ZNF423: variants seen among roughly 807,000 people sequenced by gnomAD.
ZNF423 encodes the protein zinc finger protein 423.
ZNF423 carries 12 observed loss-of-function variants against 95.8 expected under a neutral mutation model. That is an observed-to-expected ratio of 0.13 (90% CI 0.08 to 0.20). ZNF423 has a LOEUF of 0.20. Among genes scored for constraint, ZNF423 ranks in the 10% least tolerant of loss-of-function variants. The pLI is 1.00. For synonymous variants in ZNF423, 749 were observed against 711.9 expected, an observed-to-expected ratio of 1.05 and a Z score of -0.83; for missense variants, 1,316 against 1,737.1, an observed-to-expected ratio of 0.76 and a Z score of 4.31.
At chr16:49,590,794 C>T (rs1365719613) in intron 5 of ZNF423, among the ~76,000 whole-genome samples, 1 of 152,238 alleles carries the variant, frequency 6.6e-6, no homozygotes, top group East Asian at 1.9e-4. Context: ...TGAAGCGATG[C>T]CAGCATCCTC....
chr16:49,857,309 C>T (rs1023214072), upstream of ZNF423, among the ~76,000 whole-genome samples: 18 of 146,392 alleles, frequency 1.2e-4, 1 homozygote, highest in African/African-American at 4.1e-4. The surrounding 1 kb of genome is among the most constrained non-coding windows in gnomAD (Gnocchi z 6.2). Context: ...ACCGTGGTGG[C>T]GGCGGCGGCG....
intron 7 of ZNF423, among the ~76,000 whole-genome samples, chr16:49,495,239 G>A (rs181154427): frequency 6.6e-6 from 1 of 152,324 alleles, no homozygotes; most frequent in African/African-American, 2.4e-5. Flanking sequence ...AGCAGAGCTC[G>A]TGTGCTCTCC....
At chr16:49,827,833 A>G (rs1274506553) in intron 1 of ZNF423, among the ~76,000 whole-genome samples, 8 of 151,782 alleles carry the variant, frequency 5.3e-5, no homozygotes, top group Non-Finnish European at 1.0e-4. Context: ...GAGCTATTCC[A>G]TTCTTTTTCT....
chr16:49,576,452 T>C (rs112219662), intron 5 of ZNF423, among the ~76,000 whole-genome samples: 103 of 152,310 alleles, frequency 6.8e-4, no homozygotes, highest in African/African-American at 2.3e-3. Flanking sequence ...TTAGCCCCAA[T>C]GCAACTACAT....
intron 1 of ZNF423, among the ~76,000 whole-genome samples, chr16:49,824,475 G>A (rs1215730674): frequency 1.3e-5 from 2 of 152,132 alleles, no homozygotes; most frequent in African/African-American, 2.4e-5. Flanking sequence ...GGTGGGGGAG[G>A]TGTGCTGTTG....
chr16:49,671,617 G>A (rs1367605388), intron 3 of ZNF423, among the ~76,000 whole-genome samples: 1 of 152,220 alleles, frequency 6.6e-6, no homozygotes, highest in Non-Finnish European at 1.5e-5. Context: ...GTCAGGTGAT[G>A]GCTCCACCTA....
intron 5 of ZNF423, among the ~76,000 whole-genome samples, chr16:49,574,094 A>G (rs923673365): frequency 6.6e-6 from 1 of 152,220 alleles, no homozygotes; most frequent in Non-Finnish European, 1.5e-5. Flanking sequence ...TTTAAAACAA[A>G]GATTACAGGC....
At chr16:49,713,075 T>C (rs1157274107) in intron 3 of ZNF423, among the ~76,000 whole-genome samples, 1 of 152,240 alleles carries the variant, frequency 6.6e-6, no homozygotes, top group African/African-American at 2.4e-5. Context: ...GCCTCCAGTC[T>C]GACAAATCTG....
At chr16:49,499,404 G>A (rs1016944646) in intron 7 of ZNF423, among the ~76,000 whole-genome samples, 1 of 152,256 alleles carries the variant, frequency 6.6e-6, no homozygotes. Context: ...TCCCGGCCTA[G>A]AGGGAGATTC....
chr16:49,820,981 C>A (rs1197154905), intron 1 of ZNF423, among the ~76,000 whole-genome samples: 1 of 152,186 alleles, frequency 6.6e-6, no homozygotes, highest in African/African-American at 2.4e-5. Flanking sequence ...ATGCCACAGT[C>A]TCTAACTGCT....
At chr16:49,618,148 C>A (rs1971937884) in intron 5 of ZNF423, among the ~76,000 whole-genome samples, 1 of 152,252 alleles carries the variant, frequency 6.6e-6, no homozygotes. Context: ...CCGAGTCACA[C>A]TGGCTGAGTT....
At chr16:49,616,991 T>G (rs1350134146) in intron 5 of ZNF423, among the ~76,000 whole-genome samples, 1 of 152,190 alleles carries the variant, frequency 6.6e-6, no homozygotes, top group East Asian at 1.9e-4. Flanking sequence ...CTCCAAACAG[T>G]GCCAACCAGT....
chr16:49,591,182 G>T (rs191022845), intron 5 of ZNF423, among the ~76,000 whole-genome samples: 87 of 152,208 alleles, frequency 5.7e-4, no homozygotes, highest in African/African-American at 2.0e-3. Flanking sequence ...AAACACAAGT[G>T]TGCAAAAATA....
intron 2 of ZNF423, among the ~76,000 whole-genome samples, chr16:49,753,018 T>C (rs1596968744): frequency 6.6e-6 from 1 of 151,962 alleles, no homozygotes; most frequent in African/African-American, 2.4e-5. Context: ...CTGAGGCAGG[T>C]GGATCACTTG....
chr16:49,789,151 C>G (rs2034367691), intron 2 of ZNF423, among the ~76,000 whole-genome samples: 1 of 152,004 alleles, frequency 6.6e-6, no homozygotes, highest in Non-Finnish European at 1.5e-5. Context: ...ATTAAAGTGG[C>G]TTTTATGCAA....
chr16:49,580,373 A>G (rs1471951069), intron 5 of ZNF423, among the ~76,000 whole-genome samples: 1 of 152,124 alleles, frequency 6.6e-6, no homozygotes, highest in Non-Finnish European at 1.5e-5. Context: ...GTAATTATGT[A>G]TTTACTTGTT....
Position 49,855,506 on chromosome 16 carries a change from C to A in ZNF423, c.40+229G>T, listed in dbSNP as rs754658161. 8.4e-6 allele frequency among the ~76,000 whole-genome samples: 1 copy of A among 119,342 alleles called. No homozygotes were observed. Among genetic ancestry groups the A allele is most frequent in the Admixed American group, 8.0e-5 (1 of 12,578 alleles). The allele number at this position is 119,342 out of a possible 152,430, so 78.3% of individuals were successfully genotyped here. On this transcript the variant is annotated intron_variant, in intron 1 of 7. Transcript: ENST00000563137. This position sits in a 1 kb window ranked among gnomAD's most constrained non-coding sequence, Gnocchi z 4.7. ...GGGCAGGGAGGGTGTCCGCGGCGTA[C>A]CCCCTCCGCCGCCGCCGCCGCCGCC...
chr16:49,578,453 A>G (rs1024055352), intron 5 of ZNF423, among the ~76,000 whole-genome samples: 1 of 149,160 alleles, frequency 6.7e-6, no homozygotes, highest in Admixed American at 6.7e-5. Context: ...CCAGGGAAAA[A>G]CAGACACTCA....
chr16:49,590,798 C>T (rs1360984584), intron 5 of ZNF423, among the ~76,000 whole-genome samples: 2 of 152,220 alleles, frequency 1.3e-5, no homozygotes, highest in Non-Finnish European at 2.9e-5. Context: ...GCGATGCCAG[C>T]ATCCTCACAC....
Sources: gnomAD v4.1 joint callset for allele counts (sites outside exome capture counted in the v4.1 genomes callset) on GRCh38, gnomAD v4.1.1 for gene constraint, Gnocchi (gnomAD v3.1) non-coding constraint, MANE v1.5 for transcripts, NCBI Gene and HGNC (gene_info 2026-07-23, HGNC 2026-07-21) for gene names.